Variants in RBMS1 observed in about 807,000 individuals in gnomAD.
The protein encoded by RBMS1 is RNA binding motif single stranded interacting protein 1, also known as RNA-binding motif, single-stranded-interacting protein 1.
RBMS1 carries 17 observed loss-of-function variants against 62.3 expected under a neutral mutation model. That is an observed-to-expected ratio of 0.27 (90% CI 0.19 to 0.41). The LOEUF is 0.41. Ranked by LOEUF, RBMS1 falls within the 10% of genes least tolerant of loss-of-function variation. The pLI is 1.00. For synonymous variants in RBMS1, 172 were observed against 170.0 expected (o/e 1.01, Z -0.09); for missense variants, 334 against 504.5 (o/e 0.66, Z 3.24).
chr2:160,324,236 T>C (rs757021726), intron 2 of RBMS1, among the ~76,000 whole-genome samples: 17 of 151,826 alleles, frequency 1.1e-4, no homozygotes, highest in Admixed American at 6.6e-4. Context: ...AACGTATGTG[T>C]GTGCGTGCAA....
At chr2:160,443,365 T>C (rs534308826) in intron 1 of RBMS1, among the ~76,000 whole-genome samples, 7 of 152,240 alleles carry the variant, frequency 4.6e-5, no homozygotes, top group Admixed American at 2.0e-4. Flanking sequence ...TGTGCTATAG[T>C]CTGAATATTT....
At chr2:160,323,612 GAAAAAAAA>G (rs1213069883) in intron 2 of RBMS1, among the ~76,000 whole-genome samples, 1 of 86,102 alleles carries the variant, frequency 1.2e-5, no homozygotes, top group Non-Finnish European at 2.1e-5. Flanking sequence ...TTTCATGAAA[GAAAAAAAA>G]AAAAAAAAAA....
chr2:160,324,882 GTATATATATATA>G (rs201492090), intron 2 of RBMS1, among the ~76,000 whole-genome samples: 1,245 of 99,984 alleles, frequency 0.012, 19 homozygotes, highest in Non-Finnish European at 0.018. Context: ...GTGTGTGTGT[GTATATATATATA>G]TATATATATA....
At chr2:160,392,355 A>C (rs1694907819) in intron 1 of RBMS1, among the ~76,000 whole-genome samples, 1 of 152,074 alleles carries the variant, frequency 6.6e-6, no homozygotes, top group South Asian at 2.1e-4. Flanking sequence ...CCATTTGTTT[A>C]TATATTATCT....
At chr2:160,491,274 T>A (rs898673874) in intron 1 of RBMS1, among the ~76,000 whole-genome samples, 3 of 152,204 alleles carry the variant, frequency 2.0e-5, no homozygotes. Context: ...ATAGGTCAAG[T>A]GAGTATGTAT....
intron 2 of RBMS1, among the ~76,000 whole-genome samples, chr2:160,366,720 G>C (rs545093387): frequency 4.6e-4 from 70 of 152,294 alleles, no homozygotes; most frequent in African/African-American, 1.7e-3. Context: ...AAAGTGATGA[G>C]GGTGTACAAT....
chr2:160,420,822 C>T (rs1435426023), intron 1 of RBMS1, among the ~76,000 whole-genome samples: 2 of 152,204 alleles, frequency 1.3e-5, no homozygotes, highest in African/African-American at 4.8e-5. Flanking sequence ...AACCTCAGTA[C>T]CCCCTACAAC....
chr2:160,443,711 AC>A (rs1553526320), intron 1 of RBMS1, among the ~76,000 whole-genome samples: 1 of 152,210 alleles, frequency 6.6e-6, no homozygotes, highest in Non-Finnish European at 1.5e-5. Flanking sequence ...AGAACTGTGA[AC>A]CAATCAAACC....
chr2:160,339,220 C>A (rs1327466709), intron 2 of RBMS1, among the ~76,000 whole-genome samples: 1 of 152,136 alleles, frequency 6.6e-6, no homozygotes, highest in African/African-American at 2.4e-5. Context: ...TACATTTTCC[C>A]TTTTTCCTTT....
rs201927575 is a variant in RBMS1 at position 160,479,191 on chromosome 2, A to G, written c.75+14098T>C. Among the ~76,000 whole-genome samples, 14 of 152,378 alleles carry G rather than the reference A, an allele frequency of 9.2e-5. No homozygotes were observed. The East Asian group carries it at 1.9e-3, about 21-fold the overall frequency. On this transcript the variant is annotated intron_variant, in intron 1 of 13. Transcript: ENST00000348849. ...AAAAAGTGAAGAGGGTTTTGGCCCC[A>G]CAGCCATAACAACAAAAATCTTTAG...
At chr2:160,376,732 C>T (rs1276720275) in intron 1 of RBMS1, among the ~76,000 whole-genome samples, 2 of 152,026 alleles carry the variant, frequency 1.3e-5, no homozygotes, top group Non-Finnish European at 2.9e-5. Context: ...AACTCCTGGG[C>T]TCAAGTAATC....
chr2:160,404,357 G>C (rs78765055), intron 1 of RBMS1, among the ~76,000 whole-genome samples: 14,593 of 152,088 alleles, frequency 0.096, 951 homozygotes, highest in East Asian at 0.23. Context: ...ACCAACCACC[G>C]CTGCTTTAAC....
At chr2:160,294,154 G>A (rs1257228471) in intron 6 of RBMS1, among the ~76,000 whole-genome samples, 2 of 152,132 alleles carry the variant, frequency 1.3e-5, no homozygotes, top group Non-Finnish European at 2.9e-5. Context: ...AGGACTGGGT[G>A]GGGAAAGACA....
At chr2:160,475,532 G>T (rs1003331611) in intron 1 of RBMS1, among the ~76,000 whole-genome samples, 1 of 152,166 alleles carries the variant, frequency 6.6e-6, no homozygotes, top group African/African-American at 2.4e-5. Flanking sequence ...AGTAGTAAAA[G>T]CACTCGTATT....
At chr2:160,281,589 G>T in intron 9 of RBMS1, 1 of 424,008 alleles carries the variant, frequency 2.4e-6, no homozygotes, top group Non-Finnish European at 4.2e-6. Flanking sequence ...CACTCAAGAA[G>T]TAATTGTTGA....
chr2:160,483,453 T>TA (rs1395600442), intron 1 of RBMS1, among the ~76,000 whole-genome samples: 1 of 151,996 alleles, frequency 6.6e-6, no homozygotes, highest in Non-Finnish European at 1.5e-5. Flanking sequence ...AGCACACTTA[T>TA]ACGTTACCAA....
In RBMS1 at chr2:160,316,471, C is replaced by T. The variant is rs146302451; in HGVS notation, c.310+1698G>A. Among the ~76,000 whole-genome samples the T allele has an allele frequency of 9.2e-5, 14 of 152,278 alleles. No individual in the cohort carries two copies. In the East Asian group the frequency reaches 2.7e-3, roughly 29 times the overall value. On this transcript the variant is annotated intron_variant, in intron 3 of 13. Coordinates refer to ENST00000348849, the MANE Select transcript of RBMS1 (RefSeq NM_016836.4). The stretch of plus-strand genomic sequence containing the variant: ...CTGAATTAGTCCTACCCTTAGAAGT[C>T]CATAAATCTCTCTACTATGGACCCT...
chr2:160,322,660 TG>T (rs1485380970), intron 2 of RBMS1, among the ~76,000 whole-genome samples: 2 of 152,238 alleles, frequency 1.3e-5, no homozygotes, highest in Admixed American at 6.5e-5. Flanking sequence ...CCTAAGGTGC[TG>T]AAGGGCTTCC....
intron 2 of RBMS1, among the ~76,000 whole-genome samples, chr2:160,344,250 G>A (rs1384795597): frequency 6.6e-6 from 1 of 152,148 alleles, no homozygotes; most frequent in Non-Finnish European, 1.5e-5. Context: ...GAAGGCAAAA[G>A]AGGTAACTTG....
Sources: allele counts gnomAD v4.1 joint callset (sites outside exome capture counted in the v4.1 genomes callset), GRCh38; gene constraint gnomAD v4.1.1; transcripts MANE v1.5; gene names NCBI Gene and HGNC (gene_info 2026-07-23, HGNC 2026-07-21).